Variants in RNF38 observed in about 807,000 individuals in gnomAD.
The protein encoded by RNF38 is E3 ubiquitin-protein ligase RNF38.
A neutral mutation model predicts 67.2 loss-of-function variants in RNF38; 15 were observed. That is an observed-to-expected ratio of 0.22 (90% CI 0.15 to 0.34). RNF38 has a LOEUF of 0.34. Ranked by LOEUF, RNF38 falls within the 10% of genes least tolerant of loss-of-function variation. RNF38 has a pLI of 1.00. For synonymous variants in RNF38, 220 were observed against 218.8 expected (o/e 1.01, Z -0.05); for missense variants, 524 against 639.9 (o/e 0.82, Z 1.95).
At chr9:36,479,938 A>T (rs998400791) in intron 1 of RNF38, among the ~76,000 whole-genome samples, 15 of 152,054 alleles carry the variant, frequency 9.9e-5, no homozygotes, top group African/African-American at 3.6e-4. Flanking sequence ...TGTCTCTTTA[A>T]GTATGAGTTC....
At position 36,390,475 on chromosome 9, in the gene RNF38, A is replaced by C; in HGVS notation, c.154T>G (p.Phe52Val). ...GGTAAATATATAAGAACCTGGAAGA[A>C]AGCTTTGAAGTGAGCATCCTCTTGA... ...TVQEDAHFKAFFQSEDSPSPK... is the reference protein window; with the variant it reads ...TVQEDAHFKAVFQSEDSPSPK... The change falls in exon 2 of 12, where the codon TTC becomes GTC. Residue 52 changes from phenylalanine to valine, a missense_variant. This residue lies in a region of RNF38 where 461 missense variants were observed against 517.4 expected (regional missense o/e 0.89). Coordinates refer to ENST00000259605, the MANE Select transcript of RNF38 (RefSeq NM_022781.5). 6.2e-7 allele frequency: 1 copy of C among 1,612,188 alleles called. No homozygotes were observed. Among genetic ancestry groups the C allele is most frequent in the Non-Finnish European group, 8.5e-7 (1 of 1,179,352 alleles).
chr9:36,432,890 T>G (rs1838965641), intron 1 of RNF38, among the ~76,000 whole-genome samples: 1 of 152,200 alleles, frequency 6.6e-6, no homozygotes, highest in Non-Finnish European at 1.5e-5. Flanking sequence ...AATTACTATT[T>G]ATTATAACTA....
rs767553185 is a variant in RNF38 at position 36,356,516 on chromosome 9, A to G, written c.739-43T>C. The stretch of plus-strand genomic sequence containing the variant: ...ACAGTTTGGTTAAAAATATCAGAAT[A>G]TATGATTAATTTAAAAGGATAGTGA... On this transcript the variant is annotated intron_variant, in intron 5 of 11. Coordinates refer to ENST00000259605, the MANE Select transcript of RNF38 (RefSeq NM_022781.5). 6 of 1,466,364 alleles carry G rather than the reference A, an allele frequency of 4.1e-6. No homozygotes were observed. The East Asian group carries it at 1.2e-4, about 29-fold the overall frequency. The allele number at this position is 1,466,364 out of a possible 1,614,324, so 90.8% of individuals were successfully genotyped here.
At chr9:36,445,523 G>A (rs1839279965) in intron 1 of RNF38, among the ~76,000 whole-genome samples, 1 of 152,170 alleles carries the variant, frequency 6.6e-6, no homozygotes. Context: ...ATGTATGAAA[G>A]CAATGGAACC....
chr9:36,467,266 C>T, intron 1 of RNF38, among the ~76,000 whole-genome samples: 1 of 134,570 alleles, frequency 7.4e-6, no homozygotes, highest in Non-Finnish European at 1.6e-5. Context: ...CACATATACA[C>T]ACACATACAT....
intron 1 of RNF38, among the ~76,000 whole-genome samples, chr9:36,392,711 G>C (rs1238570881): frequency 6.6e-6 from 1 of 152,184 alleles, no homozygotes; most frequent in Non-Finnish European, 1.5e-5. Context: ...GTTACAGTGA[G>C]CTATGACTGC....
At chr9:36,484,369 A>G (rs1014852611) in intron 1 of RNF38, among the ~76,000 whole-genome samples, 1 of 152,208 alleles carries the variant, frequency 6.6e-6, no homozygotes, top group East Asian at 1.9e-4. Flanking sequence ...CATGTCTAAC[A>G]GGCTGCGCTA....
intron 1 of RNF38, among the ~76,000 whole-genome samples, chr9:36,459,959 A>T (rs1037449614): frequency 1.3e-5 from 2 of 152,046 alleles, no homozygotes; most frequent in African/African-American, 4.8e-5. Flanking sequence ...ATCCAATACT[A>T]TAAGAGAAAA....
chr9:36,480,841 C>T (rs549816101), intron 1 of RNF38, among the ~76,000 whole-genome samples: 12 of 151,926 alleles, frequency 7.9e-5, no homozygotes, highest in East Asian at 3.9e-4. Flanking sequence ...TGAGCCGCCA[C>T]GCCCGGCCCC....
chr9:36,351,073 C>T (rs367707124), intron 9 of RNF38, 42 bp downstream of exon 9: 11 of 1,366,620 alleles, frequency 8.0e-6, no homozygotes, highest in African/African-American at 1.4e-5. Context: ...TACTTTCATG[C>T]ACACAATATT....
chr9:36,470,845 T>C (rs1332118462), intron 1 of RNF38, among the ~76,000 whole-genome samples: 1 of 152,094 alleles, frequency 6.6e-6, no homozygotes, highest in Non-Finnish European at 1.5e-5. Flanking sequence ...CACCTTTAAC[T>C]TCCTGCTGCC....
intron 4 of RNF38, among the ~76,000 whole-genome samples, chr9:36,359,279 A>AT (rs149823795): frequency 6.6e-4 from 96 of 145,408 alleles, no homozygotes; most frequent in African/African-American, 1.1e-3. Context: ...GTCTTTTGTG[A>AT]TTTTTTTTTT....
chr9:36,356,914 T>C (rs1344968005), intron 5 of RNF38, among the ~76,000 whole-genome samples: 1 of 152,190 alleles, frequency 6.6e-6, no homozygotes, highest in Non-Finnish European at 1.5e-5. Context: ...AATTGCCTTA[T>C]AATCTCTCAG....
chr9:36,358,016 G>T, intron 4 of RNF38, 74 bp from the exon 5 acceptor site: 1 of 1,218,422 alleles, frequency 8.2e-7, no homozygotes, highest in Non-Finnish European at 1.2e-6. Context: ...TCAACATTTG[G>T]TCATTTATTG....
intron 1 of RNF38, among the ~76,000 whole-genome samples, chr9:36,485,205 A>T (rs1962524): frequency 6.6e-6 from 1 of 151,964 alleles, no homozygotes; most frequent in Non-Finnish European, 1.5e-5. Flanking sequence ...AAATAAAAAT[A>T]TATGTAGTCT....
intron 4 of RNF38, among the ~76,000 whole-genome samples, chr9:36,359,728 T>A (rs1326054011): frequency 1.6e-5 from 2 of 122,698 alleles, no homozygotes; most frequent in African/African-American, 6.1e-5. Context: ...GACTGAATTT[T>A]ATATTAAGAT....
chr9:36,404,196 C>G (rs964486692), upstream of RNF38, among the ~76,000 whole-genome samples: 1 of 152,224 alleles, frequency 6.6e-6, no homozygotes, highest in Middle Eastern at 3.2e-3. Context: ...GCATCATATA[C>G]TGAAAAAGAC....
intron 4 of RNF38, among the ~76,000 whole-genome samples, chr9:36,366,301 T>C (rs1484492816): frequency 6.6e-6 from 1 of 152,200 alleles, no homozygotes; most frequent in African/African-American, 2.4e-5. Flanking sequence ...ACGTTCAAAA[T>C]TCCAATTATG....
chr9:36,376,114 G>A lies in RNF38; in HGVS notation c.176C>T (p.Pro59Leu). The change falls in exon 3 of 12, where the codon CCA becomes CTA. Residue 59 changes from proline to leucine, a missense_variant. By Grantham distance (98) the Pro-to-Leu change is moderately conservative. Around this residue, in one of 2 missense-constraint regions of RNF38, gnomAD observed 461 missense variants for 517.4 expected, o/e 0.89. Coordinates refer to ENST00000259605, the MANE Select transcript of RNF38 (RefSeq NM_022781.5). ...AGAGAGGCGCTGTCTCTTAGGACTT[G>A]GACTATCTTCACTCTGCCAATGCAA... ...FKAFFQSEDS[P>L]SPKRQRLSHS... The A allele has an allele frequency of 6.3e-7, 1 of 1,579,876 alleles. No homozygotes were observed.
Sources: allele counts gnomAD v4.1 joint callset (sites outside exome capture counted in the v4.1 genomes callset), GRCh38; gene constraint gnomAD v4.1.1; regional missense constraint gnomAD v4.1.1; transcripts MANE v1.5; gene names NCBI Gene and HGNC (gene_info 2026-07-23, HGNC 2026-07-21).